NHSL1: variants seen among roughly 807,000 people sequenced by gnomAD.
NHSL1 encodes NHS-like protein 1.
NHSL1 carries 48 observed loss-of-function variants against 95.0 expected under a neutral mutation model. The observed-to-expected ratio is 0.51, with a 90% CI of 0.40 to 0.64. NHSL1 has a LOEUF of 0.64. Among genes scored for constraint, NHSL1 ranks in the 30% least tolerant of loss-of-function variants. The probability of loss-of-function intolerance (pLI) is 0.00; values close to 1 mark genes in which losing one functional copy is unlikely to be tolerated. For missense variants in NHSL1, 1,971 were observed against 2,077.7 expected (o/e 0.95, Z 1.00); for synonymous variants, 783 against 833.9 (o/e 0.94, Z 1.05).
chr6:138,436,648 G>A (rs2128207315), intron 5 of NHSL1, among the ~76,000 whole-genome samples: 1 of 152,364 alleles, frequency 6.6e-6, no homozygotes, highest in Admixed American at 6.5e-5. Context: ...TTTCAATGTA[G>A]ATGAAACGAC....
chr6:138,431,427 G>A lies in NHSL1; in HGVS notation c.2918C>T (p.Pro973Leu). The A allele has an allele frequency of 1.9e-6, 3 of 1,550,320 alleles. No homozygotes were observed. Among genetic ancestry groups the A allele is most frequent in the Non-Finnish European group, 2.6e-6 (3 of 1,146,502 alleles). The change falls in exon 6 of 8, where the codon CCT becomes CTT. Residue 973 changes from proline (P) to leucine (L), a missense_variant. Pro to Leu is a moderately conservative substitution (Grantham distance 98, BLOSUM62 -3). This residue lies in a region of NHSL1 where 1,602 missense variants were observed against 1,654.5 expected (regional missense o/e 0.97). Transcript: ENST00000343505. This position sits in a 1 kb window ranked among gnomAD's most constrained non-coding sequence, Gnocchi z 4.0. ...AGGAATGAGAGCTTCTGGCGGCGGA[G>A]GGGGGAACACAGGAGAGTGAGGCAG... ...SPLPHSPVFP[P>L]PPPEALIPFC...
chr6:138,586,880 C>T (rs964127853), intron 1 of NHSL1, among the ~76,000 whole-genome samples: 1 of 152,014 alleles, frequency 6.6e-6, no homozygotes, highest in Non-Finnish European at 1.5e-5. Context: ...TGCTTTCATT[C>T]TCACCCATGG....
chr6:138,653,693 T>C (rs1197581055), intron 1 of NHSL1, among the ~76,000 whole-genome samples: 2 of 152,212 alleles, frequency 1.3e-5, no homozygotes, highest in Non-Finnish European at 2.9e-5. Flanking sequence ...CTTGAATAAA[T>C]GTTTAAAGCT....
At chr6:138,438,371 C>T (rs1477052117) in intron 5 of NHSL1, among the ~76,000 whole-genome samples, 8 of 152,130 alleles carry the variant, frequency 5.3e-5, no homozygotes, top group Non-Finnish European at 8.8e-5. Flanking sequence ...TAACATAATG[C>T]TATTGCAAAC....
chr6:138,582,313 T>C (rs987482969), intron 1 of NHSL1, among the ~76,000 whole-genome samples: 1 of 152,062 alleles, frequency 6.6e-6, no homozygotes, highest in African/African-American at 2.4e-5. Context: ...AAAATCCCTT[T>C]TCCCCTGAGG....
At chr6:138,437,357 CACATATATATATATACACATATATATAT>C (rs1471990500) in intron 5 of NHSL1, among the ~76,000 whole-genome samples, 50 of 17,544 alleles carry the variant, frequency 2.8e-3, no homozygotes, top group African/African-American at 0.011. Context: ...TATATATATA[CACATATATATATATACACATATATATAT>C]ACACATATAT....
At chr6:138,594,759 C>A (rs2114537003) in intron 1 of NHSL1, among the ~76,000 whole-genome samples, 1 of 152,250 alleles carries the variant, frequency 6.6e-6, no homozygotes, top group African/African-American at 2.4e-5. Context: ...TAATGAGACC[C>A]CAAGTTTACA....
chr6:138,634,197 T>A (rs1784858520), intron 1 of NHSL1, among the ~76,000 whole-genome samples: 1 of 151,496 alleles, frequency 6.6e-6, no homozygotes, highest in African/African-American at 2.4e-5. Flanking sequence ...ATGGCAAGAG[T>A]AAGTCCTTAT....
At chr6:138,554,410 T>C (rs1783120657) in intron 1 of NHSL1, among the ~76,000 whole-genome samples, 1 of 152,152 alleles carries the variant, frequency 6.6e-6, no homozygotes, top group Non-Finnish European at 1.5e-5. Flanking sequence ...CAGAAACAGG[T>C]GCAACTTCTC....
Position 138,432,213 on chromosome 6 carries a change from C to T in NHSL1, c.2132G>A (p.Ser711Asn). The change falls in exon 6 of 8, where the codon AGC becomes AAC. Residue 711 changes from serine to asparagine, a missense_variant. By Grantham distance (46) the Ser-to-Asn change is conservative. Transcript: ENST00000343505. This position sits in a 1 kb window ranked among gnomAD's most constrained non-coding sequence, Gnocchi z 4.4. ...IATLQHSLQLSLPGKSGSSPS... is the reference protein window; with the variant it reads ...IATLQHSLQLNLPGKSGSSPS... Reference sequence around the variant, plus strand: ...CGAGCTGCCACTCTTGCCTGGGAGGCTCAGCTGCAGCGAGTGCTGGAGTGT... The same window carrying T: ...CGAGCTGCCACTCTTGCCTGGGAGGTTCAGCTGCAGCGAGTGCTGGAGTGT... 6.5e-7 allele frequency: 1 copy of T among 1,546,726 alleles called. No homozygotes were observed.
At chr6:138,448,603 G>C (rs1020673953) in intron 3 of NHSL1, among the ~76,000 whole-genome samples, 6 of 152,180 alleles carry the variant, frequency 3.9e-5, no homozygotes, top group Non-Finnish European at 8.8e-5. Flanking sequence ...TCTGTAAAGG[G>C]AATCGCACTG....
chr6:138,442,046 G>A lies in NHSL1; in HGVS notation c.601C>T (p.Pro201Ser), dbSNP rs1182972801. 1.3e-6 allele frequency: 2 copies of A among 1,551,116 alleles called. No individual in the cohort carries two copies. Among genetic ancestry groups the A allele is most frequent in the Middle Eastern group, 1.7e-4 (1 of 5,982 alleles). Residue 201 changes from proline (P) to serine (S), a missense_variant, in exon 5 of 8, where the codon CCG becomes TCG. Physicochemically the swap from Pro to Ser is moderately conservative, Grantham distance 74 (BLOSUM62 -1). Transcript: ENST00000343505. Reference protein sequence around the residue: ...LIYTDTLVRRPKKVKRRKTIT... With the variant: ...LIYTDTLVRRSKKVKRRKTIT... Reference sequence around the variant, plus strand: ...GTCTTTCTCCTTTTGACTTTCTTCGGTCGTCTTACCAGAGTGTCTGTGTAA... The same window carrying A: ...GTCTTTCTCCTTTTGACTTTCTTCGATCGTCTTACCAGAGTGTCTGTGTAA...
chr6:138,519,390 T>A (rs1394493398), intron 1 of NHSL1, among the ~76,000 whole-genome samples: 3 of 152,188 alleles, frequency 2.0e-5, no homozygotes, highest in African/African-American at 2.4e-5. Context: ...CTCAAAAATA[T>A]TTACTTCTTC....
chr6:138,498,563 G>A (rs969052999), intron 1 of NHSL1, among the ~76,000 whole-genome samples: 2 of 152,022 alleles, frequency 1.3e-5, no homozygotes, highest in African/African-American at 2.4e-5. Context: ...ATAAACCACC[G>A]ACTATGTAAA....
intron 1 of NHSL1, among the ~76,000 whole-genome samples, chr6:138,678,017 G>C (rs573429783): frequency 6.6e-6 from 1 of 152,206 alleles, no homozygotes; most frequent in African/African-American, 2.4e-5. Flanking sequence ...TCAGTAAAGA[G>C]AGAGCAGAGT....
At chr6:138,550,620 C>T (rs1420276264), upstream of NHSL1, among the ~76,000 whole-genome samples, 3 of 152,118 alleles carry the variant, frequency 2.0e-5, no homozygotes, top group Non-Finnish European at 4.4e-5. Flanking sequence ...ACACATGCAG[C>T]CAAAAATATT....
intron 2 of NHSL1, among the ~76,000 whole-genome samples, chr6:138,476,496 A>C (rs1299160501): frequency 6.6e-6 from 1 of 152,086 alleles, no homozygotes; most frequent in East Asian, 1.9e-4. Flanking sequence ...GGGGACTCCA[A>C]AGGGAGGGAG....
At chr6:138,581,764 G>C (rs1005339871) in intron 1 of NHSL1, among the ~76,000 whole-genome samples, 3 of 150,986 alleles carry the variant, frequency 2.0e-5, no homozygotes, top group Middle Eastern at 6.8e-3. Flanking sequence ...TTTACACCAA[G>C]TGTTGAGAGG....
At chr6:138,553,988 C>G (rs1006061741) in intron 1 of NHSL1, among the ~76,000 whole-genome samples, 1 of 152,130 alleles carries the variant, frequency 6.6e-6, no homozygotes, top group African/African-American at 2.4e-5. Context: ...ATATCTCTTA[C>G]AAAAGAATTA....
Sources: allele counts gnomAD v4.1 joint callset (sites outside exome capture counted in the v4.1 genomes callset), GRCh38; gene constraint gnomAD v4.1.1; regional missense constraint gnomAD v4.1.1; non-coding constraint Gnocchi (gnomAD v3.1); transcripts MANE v1.5; gene names NCBI Gene and HGNC (gene_info 2026-07-23, HGNC 2026-07-21).